The following DENND5A variants were observed in gnomAD, a reference collection of about 807,000 sequenced individuals.
The protein encoded by DENND5A is DENN domain-containing protein 5A.
A neutral mutation model predicts 140.3 loss-of-function variants in DENND5A; 64 were observed. The ratio of observed to expected loss-of-function variants is 0.46; its 90% CI spans 0.37 to 0.56. The LOEUF (loss-of-function observed/expected upper bound fraction) is 0.56, where lower values mean the gene tolerates loss of function less well. Among genes scored for constraint, DENND5A ranks in the 20% least tolerant of loss-of-function variants. DENND5A has a pLI of 0.00. For missense variants in DENND5A, 1,292 were observed against 1,593.8 expected (o/e 0.81, Z 3.22); for synonymous variants, 605 against 607.7 (o/e 1.00, Z 0.07).
chr11:9,241,149 T>C lies in DENND5A; in HGVS notation c.109+23812A>G, dbSNP rs72859702. On this transcript the variant is annotated intron_variant, in intron 1 of 22. Coordinates refer to ENST00000328194, the MANE Select transcript of DENND5A (RefSeq NM_015213.4). Reference sequence around the variant, plus strand: ...TAATTTGAAACCAGAACTGAAAGACTCTAAAGCCAAAGCTCTACAGTTATT... The same window carrying C: ...TAATTTGAAACCAGAACTGAAAGACCCTAAAGCCAAAGCTCTACAGTTATT... 7.6e-3 allele frequency among the ~76,000 whole-genome samples: 1,153 copies of C among 152,268 alleles called. 6 individuals carry two copies. Among genetic ancestry groups the C allele is most frequent in the Non-Finnish European group, 0.013 (882 of 68,026 alleles).
chr11:9,172,699 G>A (rs556210557), intron 8 of DENND5A, among the ~76,000 whole-genome samples: 5 of 152,268 alleles, frequency 3.3e-5, no homozygotes, highest in South Asian at 4.1e-4. Flanking sequence ...CCAGCCATGC[G>A]GAACTGAGTC....
intron 1 of DENND5A, among the ~76,000 whole-genome samples, chr11:9,230,494 G>A (rs1040772273): frequency 1.3e-5 from 2 of 152,014 alleles, no homozygotes; most frequent in Non-Finnish European, 2.9e-5. Flanking sequence ...TCCCAGCACA[G>A]CCTCCCAAAG....
intron 6 of DENND5A, among the ~76,000 whole-genome samples, chr11:9,179,346 C>T (rs1848649695): frequency 6.6e-6 from 1 of 152,102 alleles, no homozygotes; most frequent in Non-Finnish European, 1.5e-5. Flanking sequence ...GAGAGAGATT[C>T]TGCCATGAAA....
intron 1 of DENND5A, among the ~76,000 whole-genome samples, chr11:9,235,117 C>G (rs1850946580): frequency 6.6e-6 from 1 of 152,096 alleles, no homozygotes; most frequent in African/African-American, 2.4e-5. Context: ...TACTATATGA[C>G]CCATCAATTC....
chr11:9,196,655 G>T (rs955083789), intron 4 of DENND5A, among the ~76,000 whole-genome samples: 15 of 152,160 alleles, frequency 9.9e-5, no homozygotes, highest in African/African-American at 3.6e-4. Flanking sequence ...CTGTCGCCCA[G>T]GCTGGAGCGC....
rs762948742 is a variant in DENND5A at position 9,181,089 on chromosome 11, A to G, written c.1138-5T>C. 1 of 1,610,104 alleles carries G rather than the reference A, an allele frequency of 6.2e-7. No individual in the cohort carries two copies. The highest frequency in any genetic ancestry group is 1.1e-5 in the South Asian group (1 of 90,586). On this transcript the variant is annotated splice_region_variant and splice_polypyrimidine_tract_variant and intron_variant, in intron 5 of 22. Coordinates refer to ENST00000328194, the MANE Select transcript of DENND5A (RefSeq NM_015213.4). ...GTCCACAAAGCAGAGGTTAGCCTGGAAGTCAAAACAGGATGAGGAGTATGA... is the reference window on the plus strand; with the variant it reads ...GTCCACAAAGCAGAGGTTAGCCTGGGAGTCAAAACAGGATGAGGAGTATGA...
chr11:9,182,666 A>G (rs1848771331), intron 5 of DENND5A, among the ~76,000 whole-genome samples: 1 of 152,238 alleles, frequency 6.6e-6, no homozygotes, highest in Admixed American at 6.5e-5. Flanking sequence ...GCACAGAAAG[A>G]TAAATACCAC....
Position 9,169,839 on chromosome 11 carries a change from T to C in DENND5A, c.2151+17A>G, listed in dbSNP as rs1848312884. 1 of 1,455,642 alleles carries C rather than the reference T, an allele frequency of 6.9e-7. No homozygotes were observed. The highest frequency in any genetic ancestry group is 9.7e-7 in the Non-Finnish European group (1 of 1,035,728). The allele number at this position is 1,455,642 out of a possible 1,614,324, so 90.2% of individuals were successfully genotyped here. ...CATGATAGCAAGGTCATCCTTATCA[T>C]TCTTAAGGTATCTTACCTCCCTCTG... On this transcript the variant is annotated intron_variant, in intron 10 of 22. Coordinates refer to ENST00000328194, the MANE Select transcript of DENND5A (RefSeq NM_015213.4).
chr11:9,241,473 C>T (rs1398772168), intron 1 of DENND5A, among the ~76,000 whole-genome samples: 5 of 152,198 alleles, frequency 3.3e-5, no homozygotes, highest in Non-Finnish European at 7.3e-5. Context: ...CCCCCACACT[C>T]CCTCTCCCTT....
chr11:9,247,826 T>C (rs1378429874), intron 1 of DENND5A, among the ~76,000 whole-genome samples: 1 of 152,198 alleles, frequency 6.6e-6, no homozygotes, highest in African/African-American at 2.4e-5. Context: ...ATGGAGATTC[T>C]CTACAGACTC....
At chr11:9,162,862 GATT>G (rs761419912) in intron 11 of DENND5A, among the ~76,000 whole-genome samples, 3 of 114,032 alleles carry the variant, frequency 2.6e-5, no homozygotes, top group Admixed American at 8.4e-5. Flanking sequence ...TTTCTTTTGT[GATT>G]TTTTTTTTTT....
intron 10 of DENND5A, among the ~76,000 whole-genome samples, chr11:9,167,079 G>T (rs574992580): frequency 6.6e-6 from 1 of 152,106 alleles, no homozygotes; most frequent in Non-Finnish European, 1.5e-5. Flanking sequence ...CAATTATTTT[G>T]TATAATGTGC....
intron 1 of DENND5A, among the ~76,000 whole-genome samples, chr11:9,216,625 A>C (rs959661663): frequency 6.6e-6 from 1 of 152,260 alleles, no homozygotes; most frequent in Non-Finnish European, 1.5e-5. Flanking sequence ...AGCCTGTTTA[A>C]GAACCAGCAG....
intron 1 of DENND5A, among the ~76,000 whole-genome samples, chr11:9,252,478 C>G (rs1277838102): frequency 6.6e-6 from 1 of 151,796 alleles, no homozygotes; most frequent in Non-Finnish European, 1.5e-5. Flanking sequence ...ACGAAAGCGT[C>G]TTTACCAAAA....
chr11:9,151,398 T>A (rs1052567616), intron 13 of DENND5A, among the ~76,000 whole-genome samples: 7 of 152,190 alleles, frequency 4.6e-5, no homozygotes, highest in African/African-American at 1.7e-4. Flanking sequence ...TCTATAGCAT[T>A]CTTAATAAGA....
At chr11:9,231,675 ATTG>A (rs1850776474) in intron 1 of DENND5A, among the ~76,000 whole-genome samples, 2 of 137,168 alleles carry the variant, frequency 1.5e-5, no homozygotes, top group Non-Finnish European at 3.1e-5. Context: ...AGATCGCGCC[ATTG>A]CATTCCAGCC....
chr11:9,196,965 A>C (rs1849350819), intron 4 of DENND5A, among the ~76,000 whole-genome samples: 1 of 151,914 alleles, frequency 6.6e-6, no homozygotes, highest in Admixed American at 6.6e-5. Context: ...GTATAATTTA[A>C]AGAATATTAA....
intron 1 of DENND5A, among the ~76,000 whole-genome samples, chr11:9,225,291 T>C (rs185589886): frequency 1.3e-5 from 2 of 152,230 alleles, no homozygotes; most frequent in South Asian, 2.1e-4. Flanking sequence ...TATTTCATCA[T>C]ATAGCTTAAA....
At chr11:9,206,888 AGG>A in intron 2 of DENND5A, 106 bp from the exon 3 acceptor site, 1 of 789,678 alleles carries the variant, frequency 1.3e-6, no homozygotes, top group East Asian at 2.5e-5. Context: ...AATGAAGGCA[AGG>A]GGGTTAGTAT....
Sources: allele counts gnomAD v4.1 joint callset (sites outside exome capture counted in the v4.1 genomes callset), GRCh38; gene constraint gnomAD v4.1.1; transcripts MANE v1.5; gene names NCBI Gene and HGNC (gene_info 2026-07-23, HGNC 2026-07-21).